Variants in GABRB1 observed in about 807,000 individuals in gnomAD.
The protein encoded by GABRB1 is gamma-aminobutyric acid receptor subunit beta-1.
In GABRB1, 17 loss-of-function variants were observed where a neutral mutation model predicts 51.6. The ratio of observed to expected loss-of-function variants is 0.33; its 90% confidence interval spans 0.23 to 0.49. The LOEUF (loss-of-function observed/expected upper bound fraction) is 0.49. GABRB1 is among the 20% of genes least tolerant of loss of function. The pLI, the probability that GABRB1 is intolerant of heterozygous loss-of-function variation, is 0.99. For synonymous variants in GABRB1, 247 were observed against 218.9 expected (o/e 1.13, Z -1.14); for missense variants, 410 against 600.6 (o/e 0.68, Z 3.32).
chr4:47,257,070 T>C (rs3114088), intron 4 of GABRB1, among the ~76,000 whole-genome samples: 99,412 of 151,932 alleles, frequency 0.65, 32,823 homozygotes, highest in South Asian at 0.81. Context: ...TGTGGAAGGC[T>C]TCCATCTGGG....
intron 1 of GABRB1, among the ~76,000 whole-genome samples, chr4:47,022,529 C>G (rs1577833011): frequency 6.6e-6 from 1 of 151,942 alleles, no homozygotes; most frequent in African/African-American, 2.4e-5. Flanking sequence ...AAAATTTCAT[C>G]AGAATATGAC....
At chr4:47,256,572 G>T (rs999657143) in intron 4 of GABRB1, among the ~76,000 whole-genome samples, 1 of 152,190 alleles carries the variant, frequency 6.6e-6, no homozygotes, top group Non-Finnish European at 1.5e-5. Context: ...GGTTTAATTG[G>T]TTCCTGGTTC....
At chr4:47,072,277 A>T (rs1030853127) in intron 3 of GABRB1, among the ~76,000 whole-genome samples, 3 of 152,186 alleles carry the variant, frequency 2.0e-5, no homozygotes, top group African/African-American at 7.2e-5. Flanking sequence ...GATGACATTT[A>T]CCATAGAGAT....
At chr4:47,325,130 T>A (rs547810455) in intron 5 of GABRB1, among the ~76,000 whole-genome samples, 1 of 152,294 alleles carries the variant, frequency 6.6e-6, no homozygotes, top group South Asian at 2.1e-4. Flanking sequence ...TTGGGTCATA[T>A]TATTTCTCTG....
intron 5 of GABRB1, among the ~76,000 whole-genome samples, chr4:47,328,670 A>G (rs943935148): frequency 8.5e-5 from 13 of 152,146 alleles, no homozygotes; most frequent in Non-Finnish European, 2.9e-5. Context: ...CACAAGGACG[A>G]AAAACCAAAC....
At chr4:47,349,404 C>CAGTAA (rs959194948) in intron 5 of GABRB1, among the ~76,000 whole-genome samples, 28 of 152,168 alleles carry the variant, frequency 1.8e-4, no homozygotes, top group African/African-American at 6.8e-4. Flanking sequence ...AAAGAAAGGA[C>CAGTAA]AGTAGTACCT....
At chr4:47,054,620 T>C (rs1726508797) in intron 3 of GABRB1, among the ~76,000 whole-genome samples, 1 of 152,028 alleles carries the variant, frequency 6.6e-6, no homozygotes, top group African/African-American at 2.4e-5. Flanking sequence ...CTTGCTTTGT[T>C]GCCCAGGCTG....
At chr4:47,322,059 C>T (rs1178261399) in intron 5 of GABRB1, among the ~76,000 whole-genome samples, 1 of 151,928 alleles carries the variant, frequency 6.6e-6, no homozygotes, top group Non-Finnish European at 1.5e-5. Context: ...ACTTTAAGTC[C>T]ATTTAATATA....
intron 4 of GABRB1, among the ~76,000 whole-genome samples, chr4:47,273,505 G>A (rs1037138640): frequency 1.3e-5 from 2 of 152,150 alleles, no homozygotes; most frequent in African/African-American, 4.8e-5. Context: ...GCTTCTGGGA[G>A]AGGATTGTTC....
intron 4 of GABRB1, among the ~76,000 whole-genome samples, chr4:47,281,016 T>A (rs185141613): frequency 3.5e-4 from 54 of 152,260 alleles, no homozygotes; most frequent in African/African-American, 1.2e-3. Flanking sequence ...GTATTCTTTT[T>A]TCTTTCAGCT....
intron 3 of GABRB1, 130 bp downstream of exon 3, chr4:47,032,614 C>T (rs756967982): frequency 2.8e-5 from 23 of 828,982 alleles, no homozygotes; most frequent in Admixed American, 1.7e-4. Context: ...CGCACCCGCT[C>T]CCCGCTCCGG....
At chr4:47,320,835 T>C (rs955337408) in intron 5 of GABRB1, among the ~76,000 whole-genome samples, 1 of 146,916 alleles carries the variant, frequency 6.8e-6, no homozygotes, top group African/African-American at 2.5e-5. Flanking sequence ...AGTGGCGCCA[T>C]CTCCGCTCAC....
Position 47,132,392 on chromosome 4 carries a change from TTTTGGTTTGGTTTGG to T in GABRB1, c.241-28816_241-28802del, listed in dbSNP as rs35774226. Among the ~76,000 whole-genome samples the T allele has an allele frequency of 2.9e-3, 343 of 119,190 alleles. 7 individuals are homozygous for T. Among genetic ancestry groups the T allele is most frequent in the Middle Eastern group, 4.0e-3 (1 of 248 alleles). 78.2% of individuals were successfully genotyped at this position (119,190 alleles called of 152,430 possible). On this transcript the variant is annotated intron_variant, in intron 3 of 8. Transcript: ENST00000295454. The stretch of plus-strand genomic sequence containing the variant: ...TTTTTCGTTTGTTTGTTTTGGTTTG[TTTTGGTTTGGTTTGG>T]TTTGGTTTGGTTTGGTTTGGTTTGG...
intron 3 of GABRB1, among the ~76,000 whole-genome samples, chr4:47,146,784 C>T (rs1717189180): frequency 6.6e-6 from 1 of 152,078 alleles, no homozygotes; most frequent in Admixed American, 6.6e-5. Context: ...TCTAGATCCT[C>T]AGGTGCATTC....
chr4:47,350,204 T>TAGAGAGAGAG, intron 5 of GABRB1, among the ~76,000 whole-genome samples: 1 of 93,314 alleles, frequency 1.1e-5, no homozygotes, highest in East Asian at 4.4e-4. Context: ...TATATATATA[T>TAGAGAGAGAG]ATATATATAT....
chr4:47,199,426 A>G (rs1282643016), intron 4 of GABRB1, among the ~76,000 whole-genome samples: 1 of 152,168 alleles, frequency 6.6e-6, no homozygotes, highest in Non-Finnish European at 1.5e-5. Flanking sequence ...GAAGTCAGGA[A>G]TAAAGATGGG....
At chr4:47,218,213 A>T (rs1720631487) in intron 4 of GABRB1, among the ~76,000 whole-genome samples, 1 of 151,850 alleles carries the variant, frequency 6.6e-6, no homozygotes, top group African/African-American at 2.4e-5. Flanking sequence ...TATATATACC[A>T]TGTGTTCTTT....
intron 4 of GABRB1, among the ~76,000 whole-genome samples, chr4:47,313,424 C>CATGTGG (rs1339957355): frequency 1.3e-5 from 2 of 152,058 alleles, no homozygotes; most frequent in African/African-American, 2.4e-5. Flanking sequence ...AGTACATTTC[C>CATGTGG]ATGTGGATGT....
Position 47,295,002 on chromosome 4 carries a change from T to C in GABRB1, c.462-25125T>C, listed in dbSNP as rs1468674462. 2.6e-5 allele frequency among the ~76,000 whole-genome samples: 4 copies of C among 152,252 alleles called. No homozygotes were observed. The South Asian group carries it at 8.3e-4, about 31-fold the overall frequency. ...TGCTGATACCCAGGCAAACAGGGTC[T>C]GGAGTGGACCTCTAGCAAACTCCAA... On this transcript the variant is annotated intron_variant, in intron 4 of 8. Transcript: ENST00000295454.
Sources: gnomAD v4.1 joint callset for allele counts (sites outside exome capture counted in the v4.1 genomes callset) on GRCh38, gnomAD v4.1.1 for gene constraint, MANE v1.5 for transcripts, NCBI Gene and HGNC (gene_info 2026-07-23, HGNC 2026-07-21) for gene names.